NPR3: variants seen among roughly 807,000 people sequenced by gnomAD.
NPR3 encodes atrial natriuretic peptide receptor 3.
In NPR3, 34 loss-of-function variants were observed where a neutral mutation model predicts 54.5. The observed-to-expected ratio is 0.62, with a 90% confidence interval of 0.47 to 0.83. The LOEUF (loss-of-function observed/expected upper bound fraction) is 0.83. Among genes scored for constraint, NPR3 ranks in the 40% least tolerant of loss-of-function variants. NPR3 has a pLI of 0.00. For synonymous variants in NPR3, 289 were observed against 297.1 expected (o/e 0.97, Z 0.28); for missense variants, 674 against 720.8 (o/e 0.94, Z 0.74).
intron 3 of NPR3, among the ~76,000 whole-genome samples, chr5:32,757,813 G>A (rs1361471741): frequency 6.6e-6 from 1 of 152,138 alleles, no homozygotes; most frequent in Non-Finnish European, 1.5e-5. Flanking sequence ...AGCATGAAGG[G>A]CTATTGAATT....
At chr5:32,734,526 T>C (rs925661187) in intron 2 of NPR3, among the ~76,000 whole-genome samples, 1 of 152,174 alleles carries the variant, frequency 6.6e-6, no homozygotes, top group East Asian at 1.9e-4. Context: ...CTGTACCCAG[T>C]GCAAGCTTGG....
chr5:32,703,133 C>T (rs999794384), intron 1 of NPR3, among the ~76,000 whole-genome samples: 2 of 152,158 alleles, frequency 1.3e-5, no homozygotes, highest in Admixed American at 1.3e-4. Flanking sequence ...TGAGTACTTC[C>T]TGGCTACTGC....
upstream of NPR3, among the ~76,000 whole-genome samples, chr5:32,707,736 T>C (rs1158181936): frequency 6.6e-6 from 1 of 152,106 alleles, no homozygotes; most frequent in African/African-American, 2.4e-5. Context: ...AGTTTAGAGG[T>C]TGCAGCCAGG....
At chr5:32,721,107 C>G (rs1013621265) in intron 1 of NPR3, among the ~76,000 whole-genome samples, 1 of 152,182 alleles carries the variant, frequency 6.6e-6, no homozygotes, top group Non-Finnish European at 1.5e-5. Context: ...TAGGATCATG[C>G]ACTCTGACTA....
intron 1 of NPR3, among the ~76,000 whole-genome samples, chr5:32,702,567 C>A (rs1487847467): frequency 6.6e-6 from 1 of 151,898 alleles, no homozygotes. Context: ...CAATTTCATC[C>A]GTGTCCCTAC....
intron 3 of NPR3, among the ~76,000 whole-genome samples, chr5:32,753,331 T>C (rs190030498): frequency 0.028 from 4,259 of 152,282 alleles, 73 homozygotes; most frequent in Middle Eastern, 0.088. Flanking sequence ...TTCTTTTTTT[T>C]TTTTTCCTGT....
At chr5:32,713,474 G>T in intron 1 of NPR3, 7 of 984,750 alleles carry the variant, frequency 7.1e-6, no homozygotes, top group Non-Finnish European at 8.4e-6. Context: ...TGAGATGCCG[G>T]TATAGCGCCG....
intron 3 of NPR3, among the ~76,000 whole-genome samples, chr5:32,739,879 T>G (rs1189613106): frequency 1.3e-5 from 2 of 152,156 alleles, no homozygotes; most frequent in Non-Finnish European, 2.9e-5. Context: ...GAGCACCTTC[T>G]TCCTCCTCTT....
intron 5 of NPR3, among the ~76,000 whole-genome samples, chr5:32,782,403 G>T (rs766655765): frequency 3.9e-5 from 6 of 152,228 alleles, no homozygotes; most frequent in Middle Eastern, 3.4e-3. Context: ...GACGGGGTGG[G>T]CTGCTCTGGG....
intron 1 of NPR3, chr5:32,713,548 C>G: frequency 1.2e-6 from 1 of 858,282 alleles, no homozygotes; most frequent in Non-Finnish European, 1.4e-6. Flanking sequence ...CTCTGCTCCC[C>G]CTTGGCGCTC....
chr5:32,740,240 G>T (rs10066436), intron 3 of NPR3, among the ~76,000 whole-genome samples: 25,916 of 152,122 alleles, frequency 0.17, 2,285 homozygotes, highest in South Asian at 0.27. Context: ...CTGAGCTGTG[G>T]GATCTTGGAA....
At chr5:32,714,340 C>T (rs1738434571) in intron 1 of NPR3, among the ~76,000 whole-genome samples, 1 of 151,922 alleles carries the variant, frequency 6.6e-6, no homozygotes, top group African/African-American at 2.4e-5. Flanking sequence ...CCCCGGGGCC[C>T]CTCGCCCTCA....
intron 1 of NPR3, among the ~76,000 whole-genome samples, chr5:32,697,445 C>CTT (rs56946705): frequency 4.3e-4 from 63 of 145,760 alleles, no homozygotes; most frequent in African/African-American, 5.3e-4. Context: ...AGTTTTCTTT[C>CTT]TTTTTTTTTT....
rs914221234 is a variant in NPR3 at position 32,790,150 on chromosome 5, T to G, written c.*3805T>G. ...ACACGGGATATATTTTAGAGGCAAT[T>G]GTGGAAGCGGAGAGAATGAGATGAT... On this transcript the variant is annotated 3_prime_UTR_variant, in exon 8 of 8. Coordinates refer to ENST00000265074, the MANE Select transcript of NPR3 (RefSeq NM_001204375.2). 2.8e-5 allele frequency: 5 copies of G among 181,076 alleles called. No individual in the cohort carries two copies. The highest frequency in any genetic ancestry group is 1.2e-4 in the African/African-American group (5 of 41,646). The allele number at this position is 181,076 out of a possible 1,614,324, so 11.2% of individuals were successfully genotyped here. A position where few individuals can be genotyped will look rare whatever the true frequency, so the allele number is the denominator to read the frequency against.
At chr5:32,734,163 T>A (rs1385087024) in intron 2 of NPR3, among the ~76,000 whole-genome samples, 1 of 152,150 alleles carries the variant, frequency 6.6e-6, no homozygotes, top group African/African-American at 2.4e-5. Flanking sequence ...AGCCTAGCCA[T>A]GGCAAGCATG....
At chr5:32,713,100 C>T (rs764732138) in intron 1 of NPR3, 1 of 861,010 alleles carries the variant, frequency 1.2e-6, no homozygotes, top group South Asian at 5.3e-5. Flanking sequence ...TCACTCTTCT[C>T]ATTCCTTTCA....
intron 2 of NPR3, 89 bp downstream of exon 2, chr5:32,724,909 G>A: frequency 7.0e-7 from 1 of 1,423,928 alleles, no homozygotes; most frequent in Non-Finnish European, 9.8e-7. Context: ...TAAATAATAT[G>A]TGGTACATAA....
chr5:32,730,723 C>T (rs954525616), intron 2 of NPR3, among the ~76,000 whole-genome samples: 1 of 151,734 alleles, frequency 6.6e-6, no homozygotes, highest in African/African-American at 2.4e-5. Context: ...ATCATTTAGT[C>T]AAAAAAGAAA....
Position 32,724,872 on chromosome 5 carries a change from T to C in NPR3, c.892+52T>C, listed in dbSNP as rs999279555. 10 of 1,604,462 alleles carry C rather than the reference T, an allele frequency of 6.2e-6. No individual in the cohort carries two copies. In the South Asian group the frequency reaches 1.1e-4, roughly 18 times the overall value. The stretch of plus-strand genomic sequence containing the variant: ...TCTGCTAGGGTTCCAAGAGAGGTTG[T>C]CAGATGCCCATGAATGGTGGGTTGG... On this transcript the variant is annotated intron_variant, in intron 2 of 7. Transcript: ENST00000265074.
Sources: allele counts gnomAD v4.1 joint callset (sites outside exome capture counted in the v4.1 genomes callset), GRCh38; gene constraint gnomAD v4.1.1; transcripts MANE v1.5; gene names NCBI Gene and HGNC (gene_info 2026-07-23, HGNC 2026-07-21).